The following METTL8 variants were observed in gnomAD, a reference collection of about 807,000 sequenced individuals.
METTL8 encodes the protein tRNA N(3)-cytidine methyltransferase METTL8, mitochondrial.
METTL8 carries 32 observed loss-of-function variants against 48.7 expected under a neutral mutation model. That is an observed-to-expected ratio of 0.66 (90% CI 0.50 to 0.88). METTL8 has a LOEUF of 0.88. METTL8 is among the 40% of genes least tolerant of loss of function. The pLI is 0.00. For missense variants in METTL8, 464 were observed against 474.4 expected (o/e 0.98, Z 0.20); for synonymous variants, 136 against 157.1 (o/e 0.87, Z 1.01).
At chr2:171,424,517 C>A (rs1465238332) in intron 1 of METTL8, among the ~76,000 whole-genome samples, 1 of 140,806 alleles carries the variant, frequency 7.1e-6, no homozygotes, top group African/African-American at 2.7e-5. Flanking sequence ...TATCAGCATG[C>A]CCTGGATATG....
chr2:171,341,154 C>G (rs954400709), intron 3 of METTL8, among the ~76,000 whole-genome samples: 2 of 151,844 alleles, frequency 1.3e-5, no homozygotes, highest in African/African-American at 4.8e-5. Context: ...ATGGTGAAAC[C>G]CCATCTCTAC....
At chr2:171,432,744 G>T (rs1249197382) in intron 1 of METTL8, among the ~76,000 whole-genome samples, 1 of 152,188 alleles carries the variant, frequency 6.6e-6, no homozygotes. Flanking sequence ...CACTTAAACT[G>T]TGACCCAACA....
Position 171,320,460 on chromosome 2 carries a change from T to C in METTL8, c.*3712A>G, listed in dbSNP as rs1684472655. ...CTGGCTTGAATCCGCTATTTAGAAC[T>C]GAGAGAGACAGTACAATTTACATGT... On this transcript the variant is annotated 3_prime_UTR_variant, in exon 10 of 10. Coordinates refer to ENST00000375258, the MANE Select transcript of METTL8 (RefSeq NM_001321154.2). 1 of 152,228 alleles carries C rather than the reference T, an allele frequency of 6.6e-6. No individual in the cohort carries two copies. Among genetic ancestry groups the C allele is most frequent in the Non-Finnish European group, 1.5e-5 (1 of 68,028 alleles). 9.4% of individuals were successfully genotyped at this position (152,228 alleles called of 1,614,324 possible). A position where few individuals can be genotyped will look rare whatever the true frequency, so the allele number is the denominator to read the frequency against.
chr2:171,424,841 G>T (rs1692241036), intron 1 of METTL8, among the ~76,000 whole-genome samples: 1 of 152,200 alleles, frequency 6.6e-6, no homozygotes, highest in Non-Finnish European at 1.5e-5. Context: ...GAAATGTGAG[G>T]ACATGAGCTC....
intron 2 of METTL8, among the ~76,000 whole-genome samples, chr2:171,369,005 C>T (rs1156817897): frequency 6.6e-6 from 1 of 152,098 alleles, no homozygotes; most frequent in African/African-American, 2.4e-5. Context: ...CTGATAAAGG[C>T]TATTAAAAAC....
In METTL8 at chr2:171,319,267, A is replaced by G. The variant is rs1432858285; in HGVS notation, c.*4905T>C. 1.3e-5 allele frequency: 2 copies of G among 152,224 alleles called. No homozygotes were observed. The highest frequency in any genetic ancestry group is 4.8e-5 in the African/African-American group (2 of 41,454). 9.4% of individuals were successfully genotyped at this position (152,224 alleles called of 1,614,324 possible). ...ACTTTCACAAGCGGGGAAAATACCC[A>G]CGCCAACACTAAGTCTCCTGATGAC... On this transcript the variant is annotated 3_prime_UTR_variant, in exon 10 of 10. Coordinates refer to ENST00000375258, the MANE Select transcript of METTL8 (RefSeq NM_001321154.2).
chr2:171,365,953 C>T lies in METTL8; in HGVS notation c.144-5440G>A, dbSNP rs548864947. ...GCAGAGAGGCTGTCTCACTGAGTGG[C>T]AGTTTCATGAGTTGAGAAGGCAGAG... On this transcript the variant is annotated intron_variant, in intron 2 of 9. Coordinates refer to ENST00000375258, the MANE Select transcript of METTL8 (RefSeq NM_001321154.2). Among the ~76,000 whole-genome samples the T allele has an allele frequency of 3.3e-5, 5 of 152,290 alleles. No individual in the cohort carries two copies. In the South Asian group the frequency reaches 1.0e-3, roughly 32 times the overall value.
At chr2:171,343,380 G>A (rs113131157) in intron 3 of METTL8, among the ~76,000 whole-genome samples, 3,003 of 151,858 alleles carry the variant, frequency 0.02, 90 homozygotes, top group African/African-American at 0.067. Context: ...CGGAGGTTGC[G>A]GTGAGCTGCG....
chr2:171,427,710 C>T (rs1445849567), intron 1 of METTL8, among the ~76,000 whole-genome samples: 1 of 152,180 alleles, frequency 6.6e-6, no homozygotes, highest in Non-Finnish European at 1.5e-5. Flanking sequence ...GTTCAACCAC[C>T]CTCCAGCACA....
chr2:171,395,004 G>A (rs771867685), intron 1 of METTL8, among the ~76,000 whole-genome samples: 4 of 152,134 alleles, frequency 2.6e-5, no homozygotes, highest in Non-Finnish European at 4.4e-5. Context: ...TTACTACCAC[G>A]TTAGCCTAAG....
chr2:171,345,474 TA>T (rs1413784633), intron 3 of METTL8, among the ~76,000 whole-genome samples: 1 of 152,162 alleles, frequency 6.6e-6, no homozygotes, highest in Non-Finnish European at 1.5e-5. Flanking sequence ...CATTGTCTAA[TA>T]AAAGAAAACT....
intron 2 of METTL8, among the ~76,000 whole-genome samples, chr2:171,375,492 A>C (rs1225272576): frequency 6.6e-6 from 1 of 152,182 alleles, no homozygotes; most frequent in Non-Finnish European, 1.5e-5. Flanking sequence ...CAGTACTTTT[A>C]ATTTCAGCTA....
intron 1 of METTL8, among the ~76,000 whole-genome samples, chr2:171,402,864 G>C (rs1327175253): frequency 1.3e-5 from 2 of 152,106 alleles, no homozygotes; most frequent in Non-Finnish European, 2.9e-5. Context: ...AAAACCTACA[G>C]TGCTGAGGGT....
Position 171,387,594 on chromosome 2 carries a change from T to C in METTL8, c.143+4449A>G, listed in dbSNP as rs1424171669. Among the ~76,000 whole-genome samples, 7 of 151,988 alleles carry C rather than the reference T, an allele frequency of 4.6e-5. No homozygotes were observed. The East Asian group carries it at 1.4e-3, about 29-fold the overall frequency. On this transcript the variant is annotated intron_variant, in intron 2 of 9. Transcript: ENST00000375258. ...ATATATGTATGTATGTGCATATATA[T>C]ATAATTTAATTGCATATATCCAAAT...
At chr2:171,340,176 C>A (rs1303553963) in intron 3 of METTL8, among the ~76,000 whole-genome samples, 4 of 128,534 alleles carry the variant, frequency 3.1e-5, no homozygotes, top group Admixed American at 8.9e-5. Flanking sequence ...CCAGCCTGGG[C>A]AACAAGAGTG....
chr2:171,374,980 C>T, intron 2 of METTL8: 1 of 1,104,766 alleles, frequency 9.1e-7, no homozygotes, highest in Non-Finnish European at 1.4e-6. Flanking sequence ...AGGTCTAAAT[C>T]AGGGTGGGGG....
intron 1 of METTL8, among the ~76,000 whole-genome samples, chr2:171,416,328 A>C (rs2105639858): frequency 6.6e-6 from 1 of 152,356 alleles, no homozygotes; most frequent in East Asian, 1.9e-4. Flanking sequence ...TTCCCATATC[A>C]CAGGGATTCA....
chr2:171,399,547 A>G (rs1427931829), intron 1 of METTL8, among the ~76,000 whole-genome samples: 3 of 152,174 alleles, frequency 2.0e-5, no homozygotes, highest in Admixed American at 1.3e-4. Flanking sequence ...GCCTTGATAC[A>G]GAAGGCCAAC....
intron 2 of METTL8, among the ~76,000 whole-genome samples, chr2:171,369,816 C>A (rs1261053691): frequency 6.6e-6 from 1 of 151,918 alleles, no homozygotes; most frequent in Non-Finnish European, 1.5e-5. Flanking sequence ...ACCTGTAATA[C>A]CAGCATTTTG....
Sources: allele counts gnomAD v4.1 joint callset (sites outside exome capture counted in the v4.1 genomes callset), GRCh38; gene constraint gnomAD v4.1.1; transcripts MANE v1.5; gene names NCBI Gene and HGNC (gene_info 2026-07-23, HGNC 2026-07-21).